SAMD9: variants seen among roughly 807,000 people sequenced by gnomAD.
The protein encoded by SAMD9 is sterile alpha motif domain containing 9.
Under a neutral mutation model 1.5 loss-of-function variants are expected in SAMD9, and 3 were observed. The observed-to-expected ratio is 2.05, with a 90% CI of 0.93 to 5.29. SAMD9 has a LOEUF of 5.29. SAMD9 is among the 30% of genes most tolerant of loss of function. The pLI is 0.02. For missense variants in SAMD9, 1,597 were observed against 1,820.8 expected (o/e 0.88, Z 2.24); for synonymous variants, 635 against 631.9 (o/e 1.00, Z -0.07).
intron 2 of SAMD9, among the ~76,000 whole-genome samples, chr7:93,112,933 C>T (rs1206096827): frequency 6.6e-6 from 1 of 152,126 alleles, no homozygotes; most frequent in Non-Finnish European, 1.5e-5. Context: ...TGACTTTCTT[C>T]ACAGAATTGG....
Position 93,105,216 on chromosome 7 carries a change from C to T in SAMD9, c.882G>A (p.Leu294=), listed in dbSNP as rs774283980. The change falls in exon 3 of 3, where the codon CTG becomes CTA. Residue 294 remains leucine, a synonymous_variant. Transcript: ENST00000379958. ...ATCTGTCAGATAGAGTACTATTTGG[C>T]AGTAAAACTTCCACAAATCTTGGCT... is the stretch of plus-strand genomic sequence containing the variant. ...IREPRFVEVL[L]PNSTLSDRFV... The T allele has an allele frequency of 1.9e-6, 3 of 1,613,850 alleles. No individual in the cohort carries two copies. The highest frequency in any genetic ancestry group is 1.1e-5 in the South Asian group (1 of 91,082).
chr7:93,105,381 G>A lies in SAMD9; in HGVS notation c.717C>T (p.Val239=), dbSNP rs1224865632. ...SRTNGTIHFG[V]KDKPHGKIVG... ...CAATTTTCCCATGGGGTTTGTCTTT[G>A]ACTCCAAAATGAATAGTGCCATTGG... The change falls in exon 3 of 3, where the codon GTC becomes GTT. Residue 239 remains valine (V), a synonymous_variant. Coordinates refer to ENST00000379958, the MANE Select transcript of SAMD9 (RefSeq NM_017654.4). The A allele has an allele frequency of 6.2e-7, 1 of 1,613,838 alleles. No homozygotes were observed. The highest frequency in any genetic ancestry group is 1.3e-5 in the African/African-American group (1 of 74,890).
chr7:93,106,665 T>C (rs1233881237), intron 2 of SAMD9, among the ~76,000 whole-genome samples: 2 of 152,204 alleles, frequency 1.3e-5, no homozygotes, highest in Non-Finnish European at 2.9e-5. Flanking sequence ...GTTTTTCAGG[T>C]CTAAATTTGG....
At chr7:93,107,293 G>C (rs941788751) in intron 2 of SAMD9, among the ~76,000 whole-genome samples, 2 of 152,048 alleles carry the variant, frequency 1.3e-5, no homozygotes, top group African/African-American at 4.8e-5. Context: ...ATGTCATCTG[G>C]AATAGCTTGC....
rs912105372 is a variant in SAMD9 at position 93,107,773 on chromosome 7, T to A, written c.-8-1668A>T. ...AGCTATTATTTTTTTCATATGTAAC[T>A]ACGGTATACATAGAAAGTGAATAAG... On this transcript the variant is annotated intron_variant, in intron 2 of 2. Coordinates refer to ENST00000379958, the MANE Select transcript of SAMD9 (RefSeq NM_017654.4). Among the ~76,000 whole-genome samples, 7 of 152,214 alleles carry A rather than the reference T, an allele frequency of 4.6e-5. 1 individual carries two copies. The highest frequency in any genetic ancestry group is 1.7e-4 in the African/African-American group (7 of 41,448).
At chr7:93,113,979 G>A (rs1171572572) in intron 2 of SAMD9, among the ~76,000 whole-genome samples, 3 of 152,042 alleles carry the variant, frequency 2.0e-5, no homozygotes, top group Non-Finnish European at 4.4e-5. Context: ...AAATCATGCT[G>A]CTATAAAGAC....
At chr7:93,111,332 T>G (rs1406963181) in intron 2 of SAMD9, among the ~76,000 whole-genome samples, 2 of 152,304 alleles carry the variant, frequency 1.3e-5, no homozygotes, top group East Asian at 3.9e-4. Context: ...TTTATACCAC[T>G]AAATGCCCAC....
chr7:93,102,850 A>G lies in SAMD9; in HGVS notation c.3248T>C (p.Phe1083Ser), dbSNP rs764579322. ...ESIHRFNPNA[F>S]ICQALARHFY... The stretch of plus-strand genomic sequence containing the variant: ...ATGTCTTGCCAACGCTTGGCAAATG[A>G]ATGCATTTGGGTTGAACCGATGGAT... Residue 1083 changes from phenylalanine to serine, a missense_variant, in exon 3 of 3, where the codon TTC becomes TCC. Physicochemically the swap from Phe to Ser is radical, Grantham distance 155. Coordinates refer to ENST00000379958, the MANE Select transcript of SAMD9 (RefSeq NM_017654.4). 2 of 1,613,850 alleles carry G rather than the reference A, an allele frequency of 1.2e-6. No homozygotes were observed. Among genetic ancestry groups the G allele is most frequent in the South Asian group, 2.2e-5 (2 of 91,078 alleles).
At chr7:93,110,125 A>C (rs1562778104) in intron 2 of SAMD9, among the ~76,000 whole-genome samples, 1 of 152,240 alleles carries the variant, frequency 6.6e-6, no homozygotes, top group African/African-American at 2.4e-5. Context: ...GAAACTCTAC[A>C]AACCAGAAGA....
chr7:93,111,057 T>G (rs966149731), intron 2 of SAMD9, among the ~76,000 whole-genome samples: 1 of 152,178 alleles, frequency 6.6e-6, no homozygotes, highest in African/African-American at 2.4e-5. Flanking sequence ...TAGTTGGAAG[T>G]AAAGCACTCC....
chr7:93,106,151 AT>A, intron 2 of SAMD9, 46 bp from the exon 3 acceptor site: 1 of 1,334,546 alleles, frequency 7.5e-7, no homozygotes, highest in Non-Finnish European at 1.0e-6. Context: ...TAAAAGTAAA[AT>A]TTTGAAACAA....
At chr7:93,113,551 C>G (rs1038121781) in intron 2 of SAMD9, among the ~76,000 whole-genome samples, 4 of 151,958 alleles carry the variant, frequency 2.6e-5, no homozygotes, top group Non-Finnish European at 5.9e-5. Flanking sequence ...TACAATCTAC[C>G]CATCTGACAA....
Position 93,102,794 on chromosome 7 carries a change from C to G in SAMD9, c.3304G>C (p.Ala1102Pro). The G allele has an allele frequency of 6.2e-7, 1 of 1,613,884 alleles. No individual in the cohort carries two copies. The highest frequency in any genetic ancestry group is 8.5e-7 in the Non-Finnish European group (1 of 1,179,786). ...TTTGCTTGTTTTGCCCAGTTTAGAG[C>G]ATTGCCAAAGTCCTTCTTTTTAATG... ...FYIKKKDFGN[A>P]LNWAKQAKII... The change falls in exon 3 of 3, where the codon GCT becomes CCT. Residue 1102 changes from alanine to proline, a missense_variant. Ala to Pro is a conservative substitution (Grantham distance 27). This residue lies in a region of SAMD9 where 682 missense variants were observed against 810.0 expected (regional missense o/e 0.84). Transcript: ENST00000379958.
At chr7:93,117,449 T>A (rs1273209138) in intron 1 of SAMD9, among the ~76,000 whole-genome samples, 1 of 152,116 alleles carries the variant, frequency 6.6e-6, no homozygotes, top group African/African-American at 2.4e-5. Context: ...AGCTATTTTT[T>A]TTTTTGGTAG....
At chr7:93,114,055 T>A (rs1416284960) in intron 2 of SAMD9, among the ~76,000 whole-genome samples, 1 of 152,082 alleles carries the variant, frequency 6.6e-6, no homozygotes, top group Non-Finnish European at 1.5e-5. Context: ...AACCCAAATG[T>A]CCATCATTGA....
chr7:93,102,380 C>G lies in SAMD9; in HGVS notation c.3718G>C (p.Gly1240Arg). 2 of 1,609,238 alleles carry G rather than the reference C, an allele frequency of 1.2e-6. No individual in the cohort carries two copies. Among genetic ancestry groups the G allele is most frequent in the Non-Finnish European group, 1.7e-6 (2 of 1,176,066 alleles). The change falls in exon 3 of 3, where the codon GGG becomes CGG. Residue 1240 changes from glycine to arginine, a missense_variant. Gly to Arg is a moderately radical substitution (Grantham distance 125, BLOSUM62 -2). This residue lies in a region of SAMD9 where 682 missense variants were observed against 810.0 expected (regional missense o/e 0.84). Coordinates refer to ENST00000379958, the MANE Select transcript of SAMD9 (RefSeq NM_017654.4). Reference protein sequence around the residue: ...NFVSGSSDIPGDPNNEYKLAL... With the variant: ...NFVSGSSDIPRDPNNEYKLAL... ...AATTTATATTCATTGTTTGGATCCC[C>G]TGGAATATCACTACTTCCTGATACA...
chr7:93,103,861 A>T lies in SAMD9; in HGVS notation c.2237T>A (p.Leu746Ter). 1 of 1,614,032 alleles carries T rather than the reference A, an allele frequency of 6.2e-7. No homozygotes were observed. The highest frequency in any genetic ancestry group is 8.5e-7 in the Non-Finnish European group (1 of 1,179,884). Residue 746 changes from leucine to a stop codon, truncating the protein, a stop_gained, in exon 3 of 3, where the codon TTG becomes TAG. Coordinates refer to ENST00000379958, the MANE Select transcript of SAMD9 (RefSeq NM_017654.4). LOFTEE classifies it low-confidence loss of function (END_TRUNC). ...TAGTTCCCAGAGAATGTGCATAGCC[A>T]AGGTAGTTCCCCCACAGCCTGGATG... ...YHHPGCGGTT[L>*]AMHILWELRK...
chr7:93,106,617 A>G (rs1791651004), intron 2 of SAMD9, among the ~76,000 whole-genome samples: 1 of 152,256 alleles, frequency 6.6e-6, no homozygotes, highest in African/African-American at 2.4e-5. Flanking sequence ...TAAGAACCAA[A>G]TAGTAAATAT....
chr7:93,101,488 T>C lies in SAMD9; in HGVS notation c.4610A>G (p.Asn1537Ser). 9 of 1,613,820 alleles carry C rather than the reference T, an allele frequency of 5.6e-6. No homozygotes were observed. Among genetic ancestry groups the C allele is most frequent in the Non-Finnish European group, 6.8e-6 (8 of 1,179,776 alleles). ...GATTCCATATTCTATATATAAACAATTGTTTTCAGCTCGACCTTGTAAACG... is the reference window on the plus strand; with the variant it reads ...GATTCCATATTCTATATATAAACAACTGTTTTCAGCTCGACCTTGTAAACG... ...LLRLQGRAEN[N>S]CLYIEYGINE... Residue 1537 changes from asparagine to serine, a missense_variant, in exon 3 of 3, where the codon AAT becomes AGT. Physicochemically the swap from Asn to Ser is conservative, Grantham distance 46. Coordinates refer to ENST00000379958, the MANE Select transcript of SAMD9 (RefSeq NM_017654.4).
Sources: allele counts gnomAD v4.1 joint callset (sites outside exome capture counted in the v4.1 genomes callset), GRCh38; gene constraint gnomAD v4.1.1; regional missense constraint gnomAD v4.1.1; transcripts MANE v1.5; gene names NCBI Gene and HGNC (gene_info 2026-07-23, HGNC 2026-07-21).